Variants in ATF6 observed in about 807,000 individuals in gnomAD.
The protein encoded by ATF6 is cyclic AMP-dependent transcription factor ATF-6 alpha.
ATF6 carries 53 observed loss-of-function variants against 83.6 expected under a neutral mutation model. The ratio of observed to expected loss-of-function variants is 0.63; its 90% CI spans 0.51 to 0.80. The LOEUF is 0.80. ATF6 is among the 30% of genes least tolerant of loss of function. The probability of loss-of-function intolerance (pLI) is 0.00; values close to 1 mark genes in which losing one functional copy is unlikely to be tolerated. For missense variants in ATF6, 744 were observed against 797.9 expected (o/e 0.93, Z 0.81); for synonymous variants, 288 against 285.8 (o/e 1.01, Z -0.08).
rs376141000 is a variant in ATF6, at chr1:161,880,769, G to A, written c.1719+17457G>A. ...TCCCTTGTGTAAATACCTAGGAGTG[G>A]GATGGCTGGGTTATATAGTAGGCAT... On this transcript the variant is annotated intron_variant, in intron 14 of 15. Transcript: ENST00000367942. Among the ~76,000 whole-genome samples the A allele has an allele frequency of 2.6e-4, 39 of 152,156 alleles. No individual in the cohort carries two copies. The East Asian group carries it at 6.2e-3, about 24-fold the overall frequency.
chr1:161,824,644 A>G (rs1685848859), intron 9 of ATF6, among the ~76,000 whole-genome samples: 1 of 152,250 alleles, frequency 6.6e-6, no homozygotes, highest in East Asian at 1.9e-4. Flanking sequence ...AAATACTTGT[A>G]GTATGAATGA....
intron 14 of ATF6, among the ~76,000 whole-genome samples, chr1:161,872,977 T>G (rs1206822921): frequency 1.3e-5 from 2 of 151,610 alleles, no homozygotes; most frequent in African/African-American, 4.8e-5. Flanking sequence ...GAATAGAGTT[T>G]ATGTTTTATG....
intron 1 of ATF6, among the ~76,000 whole-genome samples, chr1:161,774,596 CAA>C (rs1413573792): frequency 6.6e-6 from 1 of 152,164 alleles, no homozygotes; most frequent in Non-Finnish European, 1.5e-5. Context: ...TTCTCCCTTT[CAA>C]GAGAGAGAGA....
At chr1:161,836,666 C>G (rs1298297996) in intron 9 of ATF6, among the ~76,000 whole-genome samples, 1 of 152,140 alleles carries the variant, frequency 6.6e-6, no homozygotes, top group Non-Finnish European at 1.5e-5. Flanking sequence ...AAGTGCAGAG[C>G]TGGGTTTTGA....
intron 15 of ATF6, among the ~76,000 whole-genome samples, chr1:161,916,524 C>G (rs1215442667): frequency 6.6e-6 from 1 of 152,000 alleles, no homozygotes; most frequent in Non-Finnish European, 1.5e-5. Flanking sequence ...AATGATGATA[C>G]TAAAAAAAAT....
chr1:161,851,646 A>G (rs1686634267), intron 10 of ATF6, 76 bp from the exon 11 acceptor site: 1 of 939,008 alleles, frequency 1.1e-6, no homozygotes. Context: ...AGTTAACACT[A>G]ATGATGATTT....
intron 13 of ATF6, among the ~76,000 whole-genome samples, chr1:161,861,474 C>T (rs1176740836): frequency 6.6e-6 from 1 of 152,120 alleles, no homozygotes. Context: ...TAAATAATAA[C>T]TAATCATTCT....
chr1:161,845,427 A>C (rs1171846397), intron 9 of ATF6, among the ~76,000 whole-genome samples: 1 of 152,112 alleles, frequency 6.6e-6, no homozygotes, highest in East Asian at 1.9e-4. Flanking sequence ...CACACACACA[A>C]AGTCTTATTG....
intron 15 of ATF6, among the ~76,000 whole-genome samples, chr1:161,944,197 A>T (rs138225790): frequency 2.1e-4 from 32 of 152,358 alleles, no homozygotes; most frequent in African/African-American, 7.2e-4. Flanking sequence ...AATAAAACTC[A>T]GCCAAATAAA....
At chr1:161,948,815 G>A (rs893774556) in intron 15 of ATF6, among the ~76,000 whole-genome samples, 2 of 152,162 alleles carry the variant, frequency 1.3e-5, no homozygotes, top group African/African-American at 2.4e-5. Context: ...TATGTAAGCC[G>A]ACAAAACGAT....
chr1:161,918,819 G>T (rs553994241), intron 15 of ATF6, among the ~76,000 whole-genome samples: 29 of 152,316 alleles, frequency 1.9e-4, no homozygotes, highest in African/African-American at 6.7e-4. Flanking sequence ...AGGATAGAAA[G>T]TGAAGACAGA....
intron 14 of ATF6, among the ~76,000 whole-genome samples, chr1:161,896,382 C>T (rs1687677756): frequency 6.6e-6 from 1 of 152,212 alleles, no homozygotes; most frequent in African/African-American, 2.4e-5. Context: ...CAGGCGTGAG[C>T]CACCATGCCC....
At chr1:161,797,013 A>G (rs1227409651) in intron 6 of ATF6, among the ~76,000 whole-genome samples, 1 of 151,916 alleles carries the variant, frequency 6.6e-6, no homozygotes, top group Admixed American at 6.6e-5. Context: ...ACACTTGGTC[A>G]TATGCTATTT....
chr1:161,791,104 C>CTGTGTGTGTGTGTGTGTGTG (rs1324328012), intron 4 of ATF6, among the ~76,000 whole-genome samples: 1 of 98,736 alleles, frequency 1.0e-5, no homozygotes, highest in East Asian at 3.9e-4. Context: ...GTGTGTGTGT[C>CTGTGTGTGTGTGTGTGTGTG]TCTGTGTGTG....
At chr1:161,818,689 T>A (rs2101781640) in intron 7 of ATF6, among the ~76,000 whole-genome samples, 1 of 152,332 alleles carries the variant, frequency 6.6e-6, no homozygotes, top group Middle Eastern at 3.4e-3. Context: ...AGGAAACATG[T>A]TAGACATGTA....
At chr1:161,804,834 TG>T (rs1685240273) in intron 7 of ATF6, among the ~76,000 whole-genome samples, 1 of 152,156 alleles carries the variant, frequency 6.6e-6, no homozygotes, top group African/African-American at 2.4e-5. Context: ...ATTAGTTCTC[TG>T]GTGTGAAAGA....
chr1:161,779,381 A>G (rs1684586337), intron 2 of ATF6, among the ~76,000 whole-genome samples: 2 of 152,190 alleles, frequency 1.3e-5, no homozygotes, highest in Admixed American at 1.3e-4. Flanking sequence ...AAATCACTCA[A>G]TCTTTCAGTT....
intron 9 of ATF6, chr1:161,840,315 A>C (rs1239737387): frequency 6.6e-6 from 1 of 152,190 alleles, no homozygotes; most frequent in Non-Finnish European, 1.5e-5. Flanking sequence ...TCATTCCACT[A>C]TTTCACATTA....
chr1:161,770,696 A>G lies in ATF6; in HGVS notation c.82+4254A>G, dbSNP rs1684364003. 2.0e-5 allele frequency among the ~76,000 whole-genome samples: 3 copies of G among 152,252 alleles called. No homozygotes were observed. The South Asian group carries it at 6.2e-4, about 31-fold the overall frequency. The stretch of plus-strand genomic sequence containing the variant: ...AATTTTGGAGGACACAGTTTAGGCC[A>G]TAAATTCACAGTTTGCTTATCCACT... On this transcript the variant is annotated intron_variant, in intron 1 of 15. Coordinates refer to ENST00000367942, the MANE Select transcript of ATF6 (RefSeq NM_007348.4).
Sources: allele counts gnomAD v4.1 joint callset (sites outside exome capture counted in the v4.1 genomes callset), GRCh38; gene constraint gnomAD v4.1.1; transcripts MANE v1.5; gene names NCBI Gene and HGNC (gene_info 2026-07-23, HGNC 2026-07-21).